Variants in CSGALNACT1 observed in about 807,000 individuals in gnomAD.
The protein encoded by CSGALNACT1 is beta4GalNAcT-1.
A neutral mutation model predicts 51.0 loss-of-function variants in CSGALNACT1; 52 were observed. That is an observed-to-expected ratio of 1.02 (90% CI 0.82 to 1.29). The LOEUF (loss-of-function observed/expected upper bound fraction) is 1.29. Ranked by LOEUF, CSGALNACT1 falls within the 50% of genes most tolerant of loss-of-function variation. The probability of loss-of-function intolerance (pLI) is 0.00; values close to 1 mark genes in which losing one functional copy is unlikely to be tolerated. For synonymous variants in CSGALNACT1, 341 were observed against 254.4 expected (o/e 1.34, Z -3.24); for missense variants, 935 against 679.2 (o/e 1.38, Z -4.19).
In CSGALNACT1 at chr8:19,523,175, G is replaced by A. The variant is rs371895818; in HGVS notation, c.-296-17045C>T. ...AAGCAAGCACCTGTGAAAGAGGGGCGGGGCACCACCTTCTCATGCCACACC... is the reference window on the plus strand; with the variant it reads ...AAGCAAGCACCTGTGAAAGAGGGGCAGGGCACCACCTTCTCATGCCACACC... On this transcript the variant is annotated intron_variant, in intron 3 of 9. Transcript: ENST00000454498. Among the ~76,000 whole-genome samples the A allele has an allele frequency of 4.9e-4, 74 of 152,280 alleles. 1 individual carries two copies. In the South Asian group the frequency reaches 5.0e-3, roughly 10 times the overall value.
intron 1 of CSGALNACT1, among the ~76,000 whole-genome samples, chr8:19,658,030 G>T (rs1289250391): frequency 8.0e-6 from 1 of 124,242 alleles, no homozygotes; most frequent in Non-Finnish European, 1.6e-5. Context: ...AATTACTCTA[G>T]ACTGAATATG....
chr8:19,421,191 C>T (rs1173338784), intron 6 of CSGALNACT1, among the ~76,000 whole-genome samples: 1 of 152,210 alleles, frequency 6.6e-6, no homozygotes, highest in Non-Finnish European at 1.5e-5. Flanking sequence ...GTAGTAACAC[C>T]TTCCTTCACT....
At chr8:19,449,735 G>A (rs928833781) in intron 5 of CSGALNACT1, among the ~76,000 whole-genome samples, 6 of 151,830 alleles carry the variant, frequency 4.0e-5, no homozygotes, top group Non-Finnish European at 5.9e-5. Flanking sequence ...GAGGAATATA[G>A]CAACATGAAA....
At chr8:19,729,244 G>A (rs964134891) in intron 1 of CSGALNACT1, among the ~76,000 whole-genome samples, 8 of 152,128 alleles carry the variant, frequency 5.3e-5, no homozygotes, top group Non-Finnish European at 1.2e-4. Context: ...ATGGAGTTAA[G>A]AAGGACTCTC....
At chr8:19,746,225 T>A (rs544729283) in intron 1 of CSGALNACT1, among the ~76,000 whole-genome samples, 1 of 152,292 alleles carries the variant, frequency 6.6e-6, no homozygotes, top group South Asian at 2.1e-4. Context: ...TTCAGTCTCC[T>A]GTGAGCTCCT....
chr8:19,408,796 A>G lies in CSGALNACT1; in HGVS notation c.1228-102T>C, dbSNP rs1356407841. The stretch of plus-strand genomic sequence containing the variant: ...CACCGTGGAGTGTGGAGCCCATCCC[A>G]TCACTGATAAACAGCCTCCACTGGT... On this transcript the variant is annotated intron_variant, in intron 8 of 9. Coordinates refer to ENST00000454498, the Ensembl canonical transcript of CSGALNACT1. 12 of 997,934 alleles carry G rather than the reference A, an allele frequency of 1.2e-5. No individual in the cohort carries two copies. The East Asian group carries it at 2.9e-4, about 24-fold the overall frequency. The allele number at this position is 997,934 out of a possible 1,614,324, so 61.8% of individuals were successfully genotyped here.
intron 3 of CSGALNACT1, among the ~76,000 whole-genome samples, chr8:19,528,675 A>G (rs1412376647): frequency 6.6e-6 from 1 of 152,170 alleles, no homozygotes; most frequent in Admixed American, 6.5e-5. Context: ...CCAAATCTGT[A>G]TGATGGGTTC....
intron 7 of CSGALNACT1, among the ~76,000 whole-genome samples, chr8:19,420,047 T>C (rs535336656): frequency 1.0e-3 from 156 of 152,338 alleles, no homozygotes; most frequent in African/African-American, 3.6e-3. Context: ...GCTGCCATGA[T>C]AGACTTCCCT....
chr8:19,486,147 C>A (rs907559899), intron 4 of CSGALNACT1, among the ~76,000 whole-genome samples: 1 of 151,710 alleles, frequency 6.6e-6, no homozygotes, highest in Non-Finnish European at 1.5e-5. Flanking sequence ...ACAAAAAAAA[C>A]AGCCACAGAT....
intron 3 of CSGALNACT1, among the ~76,000 whole-genome samples, chr8:19,558,382 C>A (rs2039945914): frequency 6.6e-6 from 1 of 152,108 alleles, no homozygotes; most frequent in African/African-American, 2.4e-5. Flanking sequence ...TGGCTCTTTG[C>A]CCTTCTTAAC....
intron 2 of CSGALNACT1, among the ~76,000 whole-genome samples, chr8:19,598,761 AC>A (rs2049542586): frequency 1.3e-5 from 2 of 152,204 alleles, no homozygotes; most frequent in South Asian, 4.1e-4. Context: ...TCAGGAGACG[AC>A]TGCGCAAACA....
chr8:19,699,506 G>T (rs1452864989), intron 1 of CSGALNACT1, among the ~76,000 whole-genome samples: 1 of 152,192 alleles, frequency 6.6e-6, no homozygotes, highest in East Asian at 1.9e-4. Context: ...GAACCATGAG[G>T]ATCTGATGCT....
chr8:19,712,877 A>C (rs2062593159), intron 1 of CSGALNACT1, among the ~76,000 whole-genome samples: 1 of 152,236 alleles, frequency 6.6e-6, no homozygotes, highest in Non-Finnish European at 1.5e-5. Flanking sequence ...GCAGTTGGAA[A>C]CAATGAACCC....
At chr8:19,545,845 ATAGT>A (rs973173001) in intron 3 of CSGALNACT1, among the ~76,000 whole-genome samples, 1 of 148,318 alleles carries the variant, frequency 6.7e-6, no homozygotes, top group African/African-American at 2.4e-5. Context: ...TGTATATATA[ATAGT>A]TATATACTAT....
chr8:19,458,540 C>T, exon 5 of CSGALNACT1: 1 of 1,614,114 alleles, frequency 6.2e-7, no homozygotes, highest in Non-Finnish European at 8.5e-7. Flanking sequence ...CATGATGGGG[C>T]CGAATGGTCG....
At chr8:19,554,904 G>A (rs1194477210) in intron 3 of CSGALNACT1, among the ~76,000 whole-genome samples, 2 of 149,048 alleles carry the variant, frequency 1.3e-5, no homozygotes, top group Admixed American at 1.3e-4. Context: ...GGTGACAGAG[G>A]GAGACTCTGT....
At chr8:19,558,027 G>A (rs1184174338) in intron 3 of CSGALNACT1, among the ~76,000 whole-genome samples, 2 of 152,210 alleles carry the variant, frequency 1.3e-5, no homozygotes, top group African/African-American at 2.4e-5. Context: ...ATGCCTTTCT[G>A]ATTTTAGTAA....
chr8:19,690,725 TC>T (rs997454838), intron 1 of CSGALNACT1, among the ~76,000 whole-genome samples: 88 of 152,316 alleles, frequency 5.8e-4, no homozygotes, highest in African/African-American at 2.1e-3. Context: ...TGATTGAAAC[TC>T]CGCATGGAAG....
chr8:19,580,972 G>T (rs922402672), intron 3 of CSGALNACT1, among the ~76,000 whole-genome samples: 1 of 152,094 alleles, frequency 6.6e-6, no homozygotes, highest in Non-Finnish European at 1.5e-5. Context: ...GAAAAACAAA[G>T]AATTGAAAAT....
Sources: allele counts gnomAD v4.1 joint callset (sites outside exome capture counted in the v4.1 genomes callset), GRCh38; gene constraint gnomAD v4.1.1; transcripts MANE v1.5; gene names NCBI Gene and HGNC (gene_info 2026-07-23, HGNC 2026-07-21).